Variants in ACYP2 observed in about 807,000 individuals in gnomAD.
ACYP2 encodes the protein acylphosphatase 2, also known as acylphosphatase-2.
In ACYP2, 12 loss-of-function variants were observed where a neutral mutation model predicts 11.2. That is an observed-to-expected ratio of 1.08 (90% CI 0.69 to 1.74). The LOEUF (loss-of-function observed/expected upper bound fraction) is 1.74, where lower values mean the gene tolerates loss of function less well. Ranked by LOEUF, ACYP2 falls within the 40% of genes most tolerant of loss-of-function variation. ACYP2 has a pLI of 0.00. For synonymous variants in ACYP2, 43 were observed against 32.2 expected, an observed-to-expected ratio of 1.33 and a Z score of -1.13; for missense variants, 134 against 101.9, an observed-to-expected ratio of 1.31 and a Z score of -1.35.
intron 4 of ACYP2, among the ~76,000 whole-genome samples, chr2:54,128,606 A>G (rs1680686176): frequency 6.6e-6 from 1 of 152,224 alleles, no homozygotes; most frequent in East Asian, 1.9e-4. Context: ...GTTTGAGACC[A>G]TAGTGAGCTA....
chr2:54,096,279 G>A (rs1678570632), intron 4 of ACYP2, among the ~76,000 whole-genome samples: 1 of 143,768 alleles, frequency 7.0e-6, no homozygotes, highest in African/African-American at 2.6e-5. Flanking sequence ...ACGATGGGTG[G>A]CCGGGCAGAG....
At chr2:54,069,573 G>A (rs6736882) in intron 4 of ACYP2, among the ~76,000 whole-genome samples, 7,077 of 152,058 alleles carry the variant, frequency 0.047, 569 homozygotes, top group African/African-American at 0.16. Context: ...GAGGCAGGAG[G>A]ATGGCATGAA....
chr2:54,198,319 C>T (rs1466608625), intron 6 of ACYP2, among the ~76,000 whole-genome samples: 1 of 152,044 alleles, frequency 6.6e-6, no homozygotes, highest in Non-Finnish European at 1.5e-5. Flanking sequence ...GCCTGGGCAA[C>T]TTATGATTTT....
chr2:54,263,229 G>C (rs1032373517), intron 6 of ACYP2, among the ~76,000 whole-genome samples: 1 of 152,128 alleles, frequency 6.6e-6, no homozygotes, highest in African/African-American at 2.4e-5. Context: ...ACAGGCACAT[G>C]GCAAGAGGAG....
chr2:54,088,666 T>C (rs1195700080), intron 4 of ACYP2, among the ~76,000 whole-genome samples: 1 of 152,234 alleles, frequency 6.6e-6, no homozygotes, highest in Non-Finnish European at 1.5e-5. Context: ...TTCCGAATTC[T>C]GTTCAACATC....
intron 4 of ACYP2, among the ~76,000 whole-genome samples, chr2:54,092,292 A>C (rs1678277269): frequency 6.6e-6 from 1 of 152,226 alleles, no homozygotes; most frequent in East Asian, 1.9e-4. Flanking sequence ...ACATTTCAGC[A>C]GGAAAAATGG....
At chr2:54,029,114 A>C (rs1488645390) in intron 2 of ACYP2, among the ~76,000 whole-genome samples, 1 of 152,190 alleles carries the variant, frequency 6.6e-6, no homozygotes, top group Non-Finnish European at 1.5e-5. Context: ...GCAGTAAGCC[A>C]TGATGACACC....
chr2:54,171,530 T>C (rs1379894846), intron 6 of ACYP2, among the ~76,000 whole-genome samples: 1 of 152,238 alleles, frequency 6.6e-6, no homozygotes, highest in Non-Finnish European at 1.5e-5. Flanking sequence ...CAATGTGGCG[T>C]TGGTTGCTAA....
In ACYP2 at chr2:54,095,386, A is replaced by C. The variant is rs575586973; in HGVS notation, c.277+38026A>C. ...GCCATTGTCATCCTGGCCCGTTCTC[A>C]AGGAGCTGTTGGACACACCTCCCAG... On this transcript the variant is annotated intron_variant, in intron 4 of 6. Transcript: ENST00000607452. Among the ~76,000 whole-genome samples, 8 of 152,324 alleles carry C rather than the reference A, an allele frequency of 5.3e-5. No homozygotes were observed. In the South Asian group the frequency reaches 1.7e-3, roughly 32 times the overall value.
chr2:54,290,176 T>G (rs1233762228), intron 6 of ACYP2, among the ~76,000 whole-genome samples: 1 of 152,068 alleles, frequency 6.6e-6, no homozygotes. Flanking sequence ...GGTGCCCGGC[T>G]GCCGCCGCCC....
intron 6 of ACYP2, among the ~76,000 whole-genome samples, chr2:54,152,750 C>G (rs953177181): frequency 6.6e-6 from 1 of 152,076 alleles, no homozygotes; most frequent in African/African-American, 2.4e-5. Context: ...TTGCTGAATA[C>G]TATTTTATTG....
intron 4 of ACYP2, among the ~76,000 whole-genome samples, chr2:54,084,125 G>C (rs1171310192): frequency 2.0e-5 from 3 of 151,974 alleles, no homozygotes; most frequent in African/African-American, 7.3e-5. Context: ...TCCTTACATG[G>C]GCTTTGGTGG....
intron 6 of ACYP2, among the ~76,000 whole-genome samples, chr2:54,150,739 C>CTTT (rs11295809): frequency 5.8e-5 from 8 of 137,374 alleles, no homozygotes; most frequent in African/African-American, 1.1e-4. Flanking sequence ...GCGTTTCTTT[C>CTTT]TTTTTTTTTT....
intron 2 of ACYP2, among the ~76,000 whole-genome samples, chr2:53,976,952 T>G (rs562976694): frequency 6.6e-6 from 1 of 152,350 alleles, no homozygotes; most frequent in Admixed American, 6.5e-5. Flanking sequence ...CTTCATCAAT[T>G]ATGCAAAATT....
chr2:54,175,359 G>A (rs1482771044), intron 6 of ACYP2, among the ~76,000 whole-genome samples: 1 of 152,120 alleles, frequency 6.6e-6, no homozygotes, highest in African/African-American at 2.4e-5. Flanking sequence ...TTGTATTTCT[G>A]TGGGATCGGT....
chr2:54,275,330 C>T (rs890376946), intron 6 of ACYP2, among the ~76,000 whole-genome samples: 2 of 152,196 alleles, frequency 1.3e-5, no homozygotes, highest in Non-Finnish European at 2.9e-5. Context: ...GTCTCGTTAT[C>T]TGTCCTGTAT....
At chr2:54,240,352 T>C (rs994486824) in intron 6 of ACYP2, among the ~76,000 whole-genome samples, 1 of 152,316 alleles carries the variant, frequency 6.6e-6, no homozygotes, top group Non-Finnish European at 1.5e-5. Context: ...GGAATCATTC[T>C]GCATATGTGG....
chr2:54,213,605 ATAG>A (rs1363222014), intron 6 of ACYP2, among the ~76,000 whole-genome samples: 11 of 152,104 alleles, frequency 7.2e-5, no homozygotes, highest in African/African-American at 2.7e-4. Flanking sequence ...TGACTTTTTA[ATAG>A]TAGCCATTCT....
chr2:54,189,822 C>T (rs2103884411), intron 6 of ACYP2, among the ~76,000 whole-genome samples: 1 of 152,280 alleles, frequency 6.6e-6, no homozygotes, highest in Middle Eastern at 3.4e-3. Context: ...TTCATCCCCA[C>T]CAACAGTGTA....
Sources: allele counts gnomAD v4.1 joint callset (sites outside exome capture counted in the v4.1 genomes callset), GRCh38; gene constraint gnomAD v4.1.1; transcripts MANE v1.5; gene names NCBI Gene and HGNC (gene_info 2026-07-23, HGNC 2026-07-21).